CALR3: variants seen among roughly 807,000 people sequenced by gnomAD.
The protein encoded by CALR3 is calreticulin 3, also known as calreticulin-3.
A neutral mutation model predicts 48.7 loss-of-function variants in CALR3; 39 were observed. The ratio of observed to expected loss-of-function variants is 0.80; its 90% CI spans 0.62 to 1.05. CALR3 has a LOEUF of 1.05. CALR3 is among the 50% of genes least tolerant of loss of function. The probability of loss-of-function intolerance (pLI) is 0.00; values close to 1 mark genes in which losing one functional copy is unlikely to be tolerated. For missense variants in CALR3, 449 were observed against 474.7 expected (o/e 0.95, Z 0.50); for synonymous variants, 185 against 172.7 (o/e 1.07, Z -0.56).
At chr19:16,486,493 G>A (rs917184245) in intron 3 of CALR3, among the ~76,000 whole-genome samples, 5 of 151,546 alleles carry the variant, frequency 3.3e-5, no homozygotes, top group African/African-American at 9.7e-5. Context: ...GGTGGCACAC[G>A]CCTGTAATCC....
intron 8 of CALR3, among the ~76,000 whole-genome samples, chr19:16,480,200 C>CAA (rs57759885): frequency 2.7e-3 from 189 of 70,694 alleles, no homozygotes; most frequent in East Asian, 5.1e-3. Flanking sequence ...GACTCCGTCT[C>CAA]AAAAAAAAAA....
chr19:16,482,451 T>C lies in CALR3; in HGVS notation c.917A>G (p.Gln306Arg), dbSNP rs1339366773. ...AAAGTAAAGTTAAAACCAAATGACC[T>C]GCCAAAGCTCCAGGCCAATGGCACC... ...NIGAIGLELW[Q>R]VRSGTIFDNF... Residue 306 changes from glutamine to arginine, a missense_variant and splice_region_variant, in exon 7 of 9, where the codon CAG (glutamine) becomes CGG (arginine). Gln to Arg is a conservative substitution (Grantham distance 43). Transcript: ENST00000269881. 1.2e-6 allele frequency: 2 copies of C among 1,614,072 alleles called. No individual in the cohort carries two copies. The highest frequency in any genetic ancestry group is 1.6e-4 in the Middle Eastern group (1 of 6,082).
intron 2 of CALR3, 140 bp from the exon 3 acceptor site, chr19:16,490,710 T>C: frequency 1.3e-6 from 1 of 795,660 alleles, no homozygotes; most frequent in Admixed American, 1.9e-5. Context: ...AACAGAGCAT[T>C]ATACAATAAT....
In CALR3 at chr19:16,479,095, G is replaced by C. The variant is rs2093376060; in HGVS notation, c.*36C>G. ...GAAACATAGATTAAAGTAGCAATGA[G>C]ATTTTACCAGTCATCCTTATATCCA... is the stretch of plus-strand genomic sequence containing the variant. On this transcript the variant is annotated 3_prime_UTR_variant, in exon 9 of 9. Coordinates refer to ENST00000269881, the MANE Select transcript of CALR3 (RefSeq NM_145046.5). 6.2e-7 allele frequency: 1 copy of C among 1,611,846 alleles called. No individual in the cohort carries two copies. The highest frequency in any genetic ancestry group is 8.5e-7 in the Non-Finnish European group (1 of 1,178,008).
At chr19:16,485,127 G>T (rs766964173) in intron 4 of CALR3, 36 bp downstream of exon 4, 15 of 1,362,782 alleles carry the variant, frequency 1.1e-5, no homozygotes, top group Non-Finnish European at 1.6e-5. Context: ...TCTGGCAGGA[G>T]TTAACACTCA....
intron 2 of CALR3, 63 bp downstream of exon 2, chr19:16,495,688 A>G (rs1452435393): frequency 7.7e-7 from 1 of 1,295,234 alleles, no homozygotes; most frequent in Non-Finnish European, 1.1e-6. Flanking sequence ...TGCCACAACT[A>G]CCTAGAGAGG....
chr19:16,479,716 A>C (rs552973099), intron 8 of CALR3, among the ~76,000 whole-genome samples: 2 of 151,202 alleles, frequency 1.3e-5, no homozygotes, highest in East Asian at 3.9e-4. Flanking sequence ...TCGAGATGGC[A>C]CCACTGCACT....
intron 5 of CALR3, 189 bp downstream of exon 5, chr19:16,483,741 T>C (rs2093384492): frequency 1.7e-6 from 1 of 602,072 alleles, no homozygotes; most frequent in Non-Finnish European, 2.9e-6. Context: ...AATAAGTAAA[T>C]AAATAAATGT....
At chr19:16,486,555 G>A (rs2093389385) in intron 3 of CALR3, among the ~76,000 whole-genome samples, 1 of 151,128 alleles carries the variant, frequency 6.6e-6, no homozygotes, top group Non-Finnish European at 1.5e-5. Context: ...GGGAGGCGGA[G>A]GTTGCAATGA....
At chr19:16,487,458 C>T (rs6512113) in intron 3 of CALR3, among the ~76,000 whole-genome samples, 94,397 of 140,204 alleles carry the variant, frequency 0.67, 31,779 homozygotes, top group South Asian at 0.75. Flanking sequence ...CCAGCCTGGG[C>T]GACGAGCGAA....
At chr19:16,490,833 C>A (rs904985374) in intron 2 of CALR3, among the ~76,000 whole-genome samples, 1 of 151,840 alleles carries the variant, frequency 6.6e-6, no homozygotes, top group Non-Finnish European at 1.5e-5. Flanking sequence ...TCTCGGCTCA[C>A]TGCAACCTCC....
chr19:16,485,723 G>C (rs1437471255), intron 3 of CALR3, among the ~76,000 whole-genome samples: 1 of 152,070 alleles, frequency 6.6e-6, no homozygotes, highest in Non-Finnish European at 1.5e-5. Flanking sequence ...GTGGGATCTT[G>C]GCTCACTGCA....
intron 7 of CALR3, among the ~76,000 whole-genome samples, chr19:16,482,064 G>A (rs377098404): frequency 1.3e-5 from 2 of 151,464 alleles, no homozygotes; most frequent in East Asian, 3.9e-4. Context: ...CCGCCACCAC[G>A]CCCGGCTAAT....
chr19:16,490,346 T>C (rs761377211), intron 3 of CALR3, 21 bp downstream of exon 3: 13 of 1,610,392 alleles, frequency 8.1e-6, no homozygotes, highest in Non-Finnish European at 9.3e-6. Context: ...GAAGTGGTTG[T>C]GTTGCACCAC....
chr19:16,492,587 C>T (rs571380746), intron 2 of CALR3, among the ~76,000 whole-genome samples: 11 of 151,752 alleles, frequency 7.2e-5, no homozygotes, highest in South Asian at 2.1e-4. Context: ...AAAATTAGGC[C>T]GGGCGCGGTG....
chr19:16,482,830 T>C (rs762275948), intron 5 of CALR3, 45 bp from the exon 6 acceptor site: 178 of 1,534,830 alleles, frequency 1.2e-4, no homozygotes, highest in Non-Finnish European at 1.5e-4. Flanking sequence ...CAGATGCTCA[T>C]ATATTTGTTG....
chr19:16,490,276 T>A (rs1397433048), intron 3 of CALR3, 91 bp downstream of exon 3: 4 of 1,149,520 alleles, frequency 3.5e-6, no homozygotes, highest in Non-Finnish European at 5.2e-6. Context: ...CTACCTTCAC[T>A]ACATTAGCAA....
chr19:16,482,969 C>A lies in CALR3; in HGVS notation c.679-184G>T, dbSNP rs10405116. Among the ~76,000 whole-genome samples the A allele has an allele frequency of 0.17, 25,304 of 151,830 alleles. 2,110 individuals carry two copies. Among genetic ancestry groups the A allele is most frequent in the African/African-American group, 0.2 (8,200 of 41,360 alleles). ...CAGTGATCCTCCTGCCTCAGCCTCC[C>A]AAGTAGCTCGGACTACAGGCGCCCG... On this transcript the variant is annotated intron_variant, in intron 5 of 8. Coordinates refer to ENST00000269881, the MANE Select transcript of CALR3 (RefSeq NM_145046.5).
chr19:16,480,474 C>G lies in CALR3; in HGVS notation c.1011+140G>C. On this transcript the variant is annotated intron_variant, in intron 8 of 8. Transcript: ENST00000269881. The stretch of plus-strand genomic sequence containing the variant: ...GTCTGAGGCAGGAGAATCGCTTGAA[C>G]CCGGGAGGTGGAGGTTGCAGTGAGC... 4.6e-6 allele frequency: 3 copies of G among 653,880 alleles called. No homozygotes were observed. The South Asian group carries it at 4.8e-5, about 10-fold the overall frequency. 40.5% of individuals were successfully genotyped at this position (653,880 alleles called of 1,614,324 possible). A position where few individuals can be genotyped will look rare whatever the true frequency, so the allele number is the denominator to read the frequency against.
Sources: allele counts gnomAD v4.1 joint callset (sites outside exome capture counted in the v4.1 genomes callset), GRCh38; gene constraint gnomAD v4.1.1; transcripts MANE v1.5; gene names NCBI Gene and HGNC (gene_info 2026-07-23, HGNC 2026-07-21).